MAD1L1: variants seen among roughly 807,000 people sequenced by gnomAD.
MAD1L1 encodes the protein mitotic spindle assembly checkpoint protein MAD1.
A neutral mutation model predicts 96.9 loss-of-function variants in MAD1L1; 95 were observed. The observed-to-expected ratio is 0.98, with a 90% CI of 0.83 to 1.16. The LOEUF (loss-of-function observed/expected upper bound fraction) is 1.16. Among genes scored for constraint, MAD1L1 ranks in the 50% most tolerant of loss-of-function variants. MAD1L1 has a pLI of 0.00. For synonymous variants in MAD1L1, 473 were observed against 396.6 expected (o/e 1.19, Z -2.29); for missense variants, 1,007 against 954.4 (o/e 1.06, Z -0.73).
intron 11 of MAD1L1, among the ~76,000 whole-genome samples, chr7:2,071,993 A>C (rs1469923746): frequency 6.6e-6 from 1 of 152,204 alleles, no homozygotes; most frequent in Admixed American, 6.5e-5. Flanking sequence ...GCTTCATAAT[A>C]AACTGGTGAA....
At chr7:2,180,863 T>A (rs1791168556) in intron 10 of MAD1L1, among the ~76,000 whole-genome samples, 1 of 152,216 alleles carries the variant, frequency 6.6e-6, no homozygotes. Flanking sequence ...TTCTTCTTCC[T>A]TTCCAATCTG....
chr7:1,831,078 G>A (rs1477247813), intron 18 of MAD1L1, among the ~76,000 whole-genome samples: 1 of 28,596 alleles, frequency 3.5e-5, no homozygotes, highest in Non-Finnish European at 5.8e-5. Context: ...AATTCGCCCT[G>A]TGTTCACATG....
At chr7:1,873,941 A>G (rs980961161) in intron 18 of MAD1L1, among the ~76,000 whole-genome samples, 3 of 149,956 alleles carry the variant, frequency 2.0e-5, no homozygotes, top group African/African-American at 7.6e-5. Context: ...ACACAGGCCC[A>G]GGCTGAGGCC....
intron 14 of MAD1L1, among the ~76,000 whole-genome samples, chr7:1,985,112 A>G (rs1413539178): frequency 6.6e-6 from 1 of 152,224 alleles, no homozygotes; most frequent in African/African-American, 2.4e-5. Flanking sequence ...TGGGGTACTC[A>G]GATCAAAACA....
At chr7:1,882,671 G>C (rs1451399194) in intron 18 of MAD1L1, among the ~76,000 whole-genome samples, 2 of 152,204 alleles carry the variant, frequency 1.3e-5, no homozygotes, top group Non-Finnish European at 2.9e-5. Flanking sequence ...CCTGCACAGG[G>C]AGCAAGAAGG....
intron 11 of MAD1L1, among the ~76,000 whole-genome samples, chr7:2,093,244 C>CAAAA (rs10654575): frequency 0.033 from 3,286 of 100,906 alleles, 150 homozygotes; most frequent in African/African-American, 0.07. Context: ...GACTCCGTGT[C>CAAAA]AAAAAAAAAA....
chr7:2,057,791 G>T (rs1172082075), intron 12 of MAD1L1, among the ~76,000 whole-genome samples: 1 of 152,208 alleles, frequency 6.6e-6, no homozygotes, highest in Non-Finnish European at 1.5e-5. Context: ...GCACAAGTTG[G>T]AGAGGATTTC....
chr7:2,209,335 C>T (rs953979516), intron 10 of MAD1L1, among the ~76,000 whole-genome samples: 10 of 152,192 alleles, frequency 6.6e-5, no homozygotes, highest in Non-Finnish European at 1.5e-4. Flanking sequence ...GAAGAGCCCT[C>T]TGAGGACTGC....
At chr7:1,848,952 T>C (rs1007392541) in intron 18 of MAD1L1, 1 of 154,372 alleles carries the variant, frequency 6.5e-6, no homozygotes, top group African/African-American at 2.4e-5. Context: ...ATAACACTCA[T>C]CACCCATCAC....
intron 18 of MAD1L1, among the ~76,000 whole-genome samples, chr7:1,884,551 T>C (rs1402459166): frequency 1.3e-5 from 2 of 152,184 alleles, no homozygotes; most frequent in Non-Finnish European, 2.9e-5. Context: ...TCCCATTGCA[T>C]CTTCCTGCCT....
chr7:2,144,964 G>A (rs1176869058), intron 11 of MAD1L1, among the ~76,000 whole-genome samples: 1 of 152,142 alleles, frequency 6.6e-6, no homozygotes, highest in African/African-American at 2.4e-5. Context: ...TCTGTCCACG[G>A]CTAAAGGAAG....
intron 18 of MAD1L1, among the ~76,000 whole-genome samples, chr7:1,850,315 G>C (rs1783899398): frequency 6.6e-6 from 1 of 152,184 alleles, no homozygotes; most frequent in African/African-American, 2.4e-5. Flanking sequence ...TTTCCCACAA[G>C]AGTTCTATCT....
At chr7:2,125,551 G>A (rs1788193038) in intron 11 of MAD1L1, among the ~76,000 whole-genome samples, 1 of 152,178 alleles carries the variant, frequency 6.6e-6, no homozygotes, top group East Asian at 1.9e-4. Flanking sequence ...GTGAGCGAGG[G>A]CCTGCTGTGG....
chr7:1,911,807 T>C (rs865931108), intron 17 of MAD1L1, among the ~76,000 whole-genome samples: 2 of 152,320 alleles, frequency 1.3e-5, no homozygotes, highest in Middle Eastern at 6.8e-3. Context: ...AAGCCCCTCT[T>C]GGGCATCCTA....
At position 2,103,155 on chromosome 7, in the gene MAD1L1, C is replaced by G. The variant is rs143734793; in HGVS notation, c.1074-33817G>C. Among the ~76,000 whole-genome samples, 3,852 of 152,296 alleles carry G rather than the reference C, an allele frequency of 0.025. 82 individuals are homozygous for G. Among genetic ancestry groups the G allele is most frequent in the Middle Eastern group, 0.051 (15 of 294 alleles). On this transcript the variant is annotated intron_variant, in intron 11 of 18. Coordinates refer to ENST00000265854, the MANE Select transcript of MAD1L1 (RefSeq NM_001013836.2). The surrounding 1 kb of genome is among the most constrained non-coding windows in gnomAD (Gnocchi z 4.3). ...TGCCTCTGCCTGGAACGGGCTCTCT[C>G]CCCTGCCCCTGCACCCTACAAAGGG...
chr7:2,161,349 T>C (rs902721213), intron 10 of MAD1L1, among the ~76,000 whole-genome samples: 9 of 152,136 alleles, frequency 5.9e-5, no homozygotes, highest in African/African-American at 1.9e-4. Context: ...GCGAGTGATC[T>C]GCCAGCCTCG....
intron 17 of MAD1L1, among the ~76,000 whole-genome samples, chr7:1,913,556 G>A (rs934867254): frequency 1.2e-4 from 18 of 152,306 alleles, no homozygotes; most frequent in Admixed American, 1.0e-3. Context: ...GCGTCCTGGG[G>A]GTTGGCGTGG....
chr7:2,071,671 A>T (rs559672459), intron 11 of MAD1L1, among the ~76,000 whole-genome samples: 1 of 152,132 alleles, frequency 6.6e-6, no homozygotes, highest in African/African-American at 2.4e-5. Context: ...TTCACCAATG[A>T]GCAGGGGCGG....
At chr7:2,050,494 G>C (rs55669426) in intron 12 of MAD1L1, among the ~76,000 whole-genome samples, 52,603 of 152,046 alleles carry the variant, frequency 0.35, 9,910 homozygotes, top group African/African-American at 0.49. Flanking sequence ...TGGCAGCTCC[G>C]TTGAAGCACC....
Sources: allele counts gnomAD v4.1 joint callset (sites outside exome capture counted in the v4.1 genomes callset), GRCh38; gene constraint gnomAD v4.1.1; non-coding constraint Gnocchi (gnomAD v3.1); transcripts MANE v1.5; gene names NCBI Gene and HGNC (gene_info 2026-07-23, HGNC 2026-07-21).